Variants in UBXN2B observed in about 807,000 individuals in gnomAD.
UBXN2B encodes UBX domain protein 2B.
In UBXN2B, 19 loss-of-function variants were observed where a neutral mutation model predicts 37.5. The observed-to-expected ratio is 0.51, with a 90% confidence interval of 0.35 to 0.74. The LOEUF is 0.74. Among genes scored for constraint, UBXN2B ranks in the 30% least tolerant of loss-of-function variants. The probability of loss-of-function intolerance (pLI) is 0.01; values close to 1 mark genes in which losing one functional copy is unlikely to be tolerated. For missense variants in UBXN2B, 370 were observed against 393.2 expected (o/e 0.94, Z 0.50); for synonymous variants, 145 against 143.8 (o/e 1.01, Z -0.06).
intron 5 of UBXN2B, among the ~76,000 whole-genome samples, chr8:58,437,959 C>CG (rs1334781498): frequency 3.6e-4 from 55 of 151,802 alleles, no homozygotes; most frequent in Non-Finnish European, 7.5e-4. Flanking sequence ...AGCCCCCCCC[C>CG]CAACCCCCAT....
At position 58,424,974 on chromosome 8, in the gene UBXN2B, T is replaced by A. The variant is rs1808041676; in HGVS notation, c.189-5545T>A. 3.8e-6 allele frequency: 3 copies of A among 796,230 alleles called. No homozygotes were observed. The African/African-American group carries it at 5.1e-5, about 13-fold the overall frequency. 49.3% of individuals were successfully genotyped at this position (796,230 alleles called of 1,614,324 possible). A position where few individuals can be genotyped will look rare whatever the true frequency, so the allele number is the denominator to read the frequency against. On this transcript the variant is annotated intron_variant, in intron 2 of 7. Transcript: ENST00000399598. ...GAATATCAATCACAACGTATGTCCCTGTCCGGCCAATTCCAGCACTGCCGT... is the reference window on the plus strand; with the variant it reads ...GAATATCAATCACAACGTATGTCCCAGTCCGGCCAATTCCAGCACTGCCGT...
At chr8:58,413,628 G>T (rs1807698060) in intron 1 of UBXN2B, among the ~76,000 whole-genome samples, 1 of 152,128 alleles carries the variant, frequency 6.6e-6, no homozygotes, top group African/African-American at 2.4e-5. Flanking sequence ...TATCTTAGCT[G>T]CCATGCAGTG....
chr8:58,425,076 G>C (rs1378667524), intron 2 of UBXN2B: 15 of 783,898 alleles, frequency 1.9e-5, no homozygotes, highest in Middle Eastern at 3.4e-4. Flanking sequence ...GCACACCCCT[G>C]GGGTCAATGG....
rs7817066 is a variant in UBXN2B at position 58,425,958 on chromosome 8, C to A, written c.189-4561C>A. 3,409 of 1,432,234 alleles carry A rather than the reference C, an allele frequency of 2.4e-3. 77 individuals are homozygous for A. The African/African-American group carries it at 0.043, about 18-fold the overall frequency. The allele number at this position is 1,432,234 out of a possible 1,614,324, so 88.7% of individuals were successfully genotyped here. A position where few individuals can be genotyped will look rare whatever the true frequency, so the allele number is the denominator to read the frequency against. Reference sequence around the variant, plus strand: ...CCAAGGTGGCTCTGGCTCTCTCATACAAGAAAACTACCATGTTTTCCTTTT... The same window carrying A: ...CCAAGGTGGCTCTGGCTCTCTCATAAAAGAAAACTACCATGTTTTCCTTTT... On this transcript the variant is annotated intron_variant, in intron 2 of 7. Coordinates refer to ENST00000399598, the MANE Select transcript of UBXN2B (RefSeq NM_001077619.2).
intron 7 of UBXN2B, 68 bp downstream of exon 7, chr8:58,446,136 T>C (rs1263436891): frequency 1.4e-6 from 2 of 1,415,982 alleles, no homozygotes; most frequent in East Asian, 5.0e-5. Context: ...TAAGTAGAAC[T>C]GTATGTGACT....
At chr8:58,426,200 ATCTT>A in intron 2 of UBXN2B, 2 of 559,254 alleles carry the variant, frequency 3.6e-6, no homozygotes, top group East Asian at 3.1e-5. Context: ...AGTGTTCTGA[ATCTT>A]TTTTTTTTTT....
At position 58,433,322 on chromosome 8, in the gene UBXN2B, T is replaced by A. The variant is rs1808330616; in HGVS notation, c.423+79T>A. ...AACTGTTGGTTTTAAAATTAAGAAT[T>A]GATAATACAAATATATTTTTGTTAC... On this transcript the variant is annotated intron_variant, in intron 4 of 7. Transcript: ENST00000399598. The A allele has an allele frequency of 2.6e-6, 3 of 1,160,686 alleles. No homozygotes were observed. In the South Asian group the frequency reaches 4.4e-5, roughly 17 times the overall value. The allele number at this position is 1,160,686 out of a possible 1,614,324, so 71.9% of individuals were successfully genotyped here.
chr8:58,431,244 GAGGCCGAAGC>G (rs1808265727), intron 3 of UBXN2B, among the ~76,000 whole-genome samples: 1 of 152,182 alleles, frequency 6.6e-6, no homozygotes, highest in South Asian at 2.1e-4. Context: ...AGCACTTTGG[GAGGCCGAAGC>G]AGGCAGATCA....
At chr8:58,414,094 C>T (rs910603327) in intron 1 of UBXN2B, among the ~76,000 whole-genome samples, 9 of 152,182 alleles carry the variant, frequency 5.9e-5, no homozygotes, top group South Asian at 2.1e-4. Context: ...AGGATGGACT[C>T]AATAGTGGGT....
chr8:58,415,628 A>G (rs544341796), intron 1 of UBXN2B, among the ~76,000 whole-genome samples: 4 of 152,252 alleles, frequency 2.6e-5, no homozygotes, highest in Admixed American at 6.5e-5. Flanking sequence ...CTTTCCATAC[A>G]TTATTTAATC....
chr8:58,411,364 G>C lies in UBXN2B; in HGVS notation c.-22G>C, dbSNP rs1444858257. ...AAGTTGCGGCAGGTGCGTCCGCAGC[G>C]GGCGCCGCTAGCCAGCGGAAGATGG... is the stretch of plus-strand genomic sequence containing the variant. On this transcript the variant is annotated 5_prime_UTR_variant, in exon 1 of 8. Coordinates refer to ENST00000399598, the MANE Select transcript of UBXN2B (RefSeq NM_001077619.2). 3.2e-6 allele frequency: 4 copies of C among 1,267,796 alleles called. No individual in the cohort carries two copies. In the African/African-American group the frequency reaches 4.6e-5, roughly 15 times the overall value. The allele number at this position is 1,267,796 out of a possible 1,614,324, so 78.5% of individuals were successfully genotyped here.
At chr8:58,419,295 G>A (rs1186640927) in intron 2 of UBXN2B, among the ~76,000 whole-genome samples, 4 of 151,964 alleles carry the variant, frequency 2.6e-5, no homozygotes, top group African/African-American at 7.3e-5. Flanking sequence ...TCCCAGTTTC[G>A]TTGTATTTCT....
chr8:58,423,999 A>G (rs1808005534), intron 2 of UBXN2B, among the ~76,000 whole-genome samples: 1 of 151,988 alleles, frequency 6.6e-6, no homozygotes, highest in Non-Finnish European at 1.5e-5. Context: ...TGACTCTTCA[A>G]TGCCAATGCA....
Position 58,447,867 on chromosome 8 carries a change from C to G in UBXN2B, c.*316C>G, listed in dbSNP as rs1359584117. The G allele has an allele frequency of 2.1e-5, 4 of 187,974 alleles. No individual in the cohort carries two copies. The highest frequency in any genetic ancestry group is 4.3e-5 in the Non-Finnish European group (4 of 92,340). 11.6% of individuals were successfully genotyped at this position (187,974 alleles called of 1,614,324 possible). A position where few individuals can be genotyped will look rare whatever the true frequency, so the allele number is the denominator to read the frequency against. On this transcript the variant is annotated 3_prime_UTR_variant, in exon 8 of 8. Transcript: ENST00000399598. Reference sequence around the variant, plus strand: ...TTGCAGAGAAAAATGAACAAAACCCCTTTTTGATAAATGCATTTGGTAAAA... The same window carrying G: ...TTGCAGAGAAAAATGAACAAAACCCGTTTTTGATAAATGCATTTGGTAAAA...
At position 58,448,161 on chromosome 8, in the gene UBXN2B, A is replaced by T. The variant is rs901768234; in HGVS notation, c.*610A>T. ...TGTGAACTTAAACAGAAACACATAA[A>T]GGTCAGCAATTCTTTTTTTTTTTTT... On this transcript the variant is annotated 3_prime_UTR_variant, in exon 8 of 8. Coordinates refer to ENST00000399598, the MANE Select transcript of UBXN2B (RefSeq NM_001077619.2). 6.6e-6 allele frequency: 1 copy of T among 151,518 alleles called. No individual in the cohort carries two copies. Among genetic ancestry groups the T allele is most frequent in the Non-Finnish European group, 1.5e-5 (1 of 67,988 alleles). 9.4% of individuals were successfully genotyped at this position (151,518 alleles called of 1,614,324 possible).
At chr8:58,430,432 CTT>C in intron 2 of UBXN2B, 85 bp from the exon 3 acceptor site, 1 of 959,962 alleles carries the variant, frequency 1.0e-6, no homozygotes, top group Non-Finnish European at 1.4e-6. Flanking sequence ...AAATAAAATA[CTT>C]TTATTTTCAT....
At chr8:58,447,303 T>TTG in intron 7 of UBXN2B, 86 bp from the exon 8 acceptor site, 3 of 1,265,688 alleles carry the variant, frequency 2.4e-6, no homozygotes, top group Non-Finnish European at 3.2e-6. Flanking sequence ...GATTAAAATT[T>TTG]TGTGATTTTT....
Position 58,416,944 on chromosome 8 carries a change from C to G in UBXN2B, c.179C>G (p.Pro60Arg). Residue 60 changes from proline to arginine, a missense_variant, in exon 2 of 8, where the codon CCA becomes CGA. By Grantham distance (103) the Pro-to-Arg change is moderately radical (BLOSUM62 -2). This residue lies in a region of UBXN2B where 197 missense variants were observed against 170.2 expected (regional missense o/e 1.16). Coordinates refer to ENST00000399598, the MANE Select transcript of UBXN2B (RefSeq NM_001077619.2). ...KATVFKSPRT[P>R]PQRFYSSEHE... ...ACAGTCTTCAAGAGCCCACGGACAC[C>G]ACCTCAACGGTAAGTTTTATTTTGT... 6.3e-7 allele frequency: 1 copy of G among 1,598,692 alleles called. No homozygotes were observed. Among genetic ancestry groups the G allele is most frequent in the Non-Finnish European group, 8.5e-7 (1 of 1,170,976 alleles).
intron 2 of UBXN2B, among the ~76,000 whole-genome samples, chr8:58,422,220 C>G (rs779069501): frequency 1.2e-4 from 18 of 152,156 alleles, no homozygotes; most frequent in Non-Finnish European, 2.1e-4. Flanking sequence ...TGTTCTGAAG[C>G]AATTCAAAGT....
Sources: allele counts gnomAD v4.1 joint callset (sites outside exome capture counted in the v4.1 genomes callset), GRCh38; gene constraint gnomAD v4.1.1; regional missense constraint gnomAD v4.1.1; transcripts MANE v1.5; gene names NCBI Gene and HGNC (gene_info 2026-07-23, HGNC 2026-07-21).